EIF3M: variants seen among roughly 807,000 people sequenced by gnomAD.
EIF3M encodes B5 receptor.
A neutral mutation model predicts 49.7 loss-of-function variants in EIF3M; 25 were observed. That is an observed-to-expected ratio of 0.50 (90% CI 0.37 to 0.70). The LOEUF is 0.70. Among genes scored for constraint, EIF3M ranks in the 30% least tolerant of loss-of-function variants. The pLI, the probability that EIF3M is intolerant of heterozygous loss-of-function variation, is 0.00. For missense variants in EIF3M, 350 were observed against 440.0 expected (o/e 0.80, Z 1.83); for synonymous variants, 156 against 149.8 (o/e 1.04, Z -0.30).
intron 1 of EIF3M, among the ~76,000 whole-genome samples, chr11:32,584,458 A>G (rs1228349599): frequency 1.3e-5 from 2 of 150,774 alleles, no homozygotes; most frequent in Non-Finnish European, 3.0e-5. Context: ...ATACAAAAAA[A>G]TTACCCGGGC....
intron 6 of EIF3M, 171 bp from the exon 7 acceptor site, chr11:32,594,743 G>A (rs1855153519): frequency 8.6e-6 from 4 of 464,378 alleles, no homozygotes; most frequent in South Asian, 4.3e-5. Flanking sequence ...AGATGAACCT[G>A]ATAAATGTGT....
intron 1 of EIF3M, 200 bp downstream of exon 1, chr11:32,584,129 G>T (rs1295359558): frequency 1.6e-6 from 1 of 643,014 alleles, no homozygotes; most frequent in African/African-American, 1.9e-5. Flanking sequence ...TCCCAGCGCG[G>T]GGCCCGACGC....
chr11:32,592,455 A>G, intron 5 of EIF3M: 1 of 529,286 alleles, frequency 1.9e-6, no homozygotes, highest in Non-Finnish European at 3.6e-6. Flanking sequence ...TCACCAACAA[A>G]AATTTTCTTC....
chr11:32,601,881 T>G, intron 10 of EIF3M, 59 bp downstream of exon 10: 1 of 1,561,708 alleles, frequency 6.4e-7, no homozygotes, highest in Non-Finnish European at 8.8e-7. Flanking sequence ...TCCGATTATT[T>G]CACTTAAATG....
chr11:32,598,876 G>GA (rs1479967591), intron 8 of EIF3M, among the ~76,000 whole-genome samples: 1 of 151,994 alleles, frequency 6.6e-6, no homozygotes, highest in African/African-American at 2.4e-5. Flanking sequence ...TCATTGATAA[G>GA]AAAAAATTCG....
chr11:32,606,109 T>G lies in EIF3M; in HGVS notation c.*3710T>G, dbSNP rs1855348237. 1 of 152,190 alleles carries G rather than the reference T, an allele frequency of 6.6e-6. No individual in the cohort carries two copies. The highest frequency in any genetic ancestry group is 1.5e-5 in the Non-Finnish European group (1 of 68,028). 9.4% of individuals were successfully genotyped at this position (152,190 alleles called of 1,614,324 possible). A position where few individuals can be genotyped will look rare whatever the true frequency, so the allele number is the denominator to read the frequency against. On this transcript the variant is annotated 3_prime_UTR_variant, in exon 11 of 11. Coordinates refer to ENST00000531120, the MANE Select transcript of EIF3M (RefSeq NM_006360.6). ...TTGCAGTAGGCTAACAATCTAATGC[T>G]GAAAACAAGAATGAAAAACATACCA...
chr11:32,590,950 A>T (rs1347101513), intron 5 of EIF3M, among the ~76,000 whole-genome samples: 1 of 151,822 alleles, frequency 6.6e-6, no homozygotes. Flanking sequence ...TCCCGGGTTC[A>T]TGCCATTCTC....
intron 2 of EIF3M, among the ~76,000 whole-genome samples, 193 bp from the exon 3 acceptor site, chr11:32,588,401 A>G (rs1855036480): frequency 6.6e-6 from 1 of 151,608 alleles, no homozygotes; most frequent in African/African-American, 2.4e-5. Context: ...AAAAAAAAAA[A>G]AAAAAAAAAA....
At chr11:32,596,170 G>T in intron 8 of EIF3M, 123 bp downstream of exon 8, 1 of 682,024 alleles carries the variant, frequency 1.5e-6, no homozygotes, top group Non-Finnish European at 2.3e-6. Context: ...AAAAGGAGTC[G>T]TGTATGATAG....
chr11:32,603,275 A>G lies in EIF3M; in HGVS notation c.*876A>G, dbSNP rs192668112. 904 of 344,204 alleles carry G rather than the reference A, an allele frequency of 2.6e-3. 4 individuals are homozygous for G. Among genetic ancestry groups the G allele is most frequent in the Non-Finnish European group, 2.3e-3 (433 of 190,896 alleles). The allele number at this position is 344,204 out of a possible 1,614,324, so 21.3% of individuals were successfully genotyped here. A position where few individuals can be genotyped will look rare whatever the true frequency, so the allele number is the denominator to read the frequency against. Reference sequence around the variant, plus strand: ...CTTTTACTACTTCATGTTTCCTCCCATGCTTCAGAACACCATTGTTGAAGA... The same window carrying G: ...CTTTTACTACTTCATGTTTCCTCCCGTGCTTCAGAACACCATTGTTGAAGA... On this transcript the variant is annotated 3_prime_UTR_variant, in exon 11 of 11. Coordinates refer to ENST00000531120, the MANE Select transcript of EIF3M (RefSeq NM_006360.6).
In EIF3M at chr11:32,601,802, C is replaced by G. The variant is rs749823142; in HGVS notation, c.984C>G (p.Thr328=). The G allele has an allele frequency of 3.9e-5, 63 of 1,612,272 alleles. 2 individuals carry two copies. The South Asian group carries it at 6.8e-4, about 17-fold the overall frequency. ...TKMVYCKIDQ[T]QRKVVVSHST... is the part of the protein sequence containing the mutation. The stretch of plus-strand genomic sequence containing the variant: ...TGGTCTACTGCAAAATTGATCAGAC[C>G]CAGAGAAAAGTAGTTGTCAGGTAAG... Residue 328 remains threonine (T), a synonymous_variant, in exon 10 of 11, where the codon ACC becomes ACG. Coordinates refer to ENST00000531120, the MANE Select transcript of EIF3M (RefSeq NM_006360.6).
At chr11:32,596,102 C>A in intron 8 of EIF3M, 55 bp downstream of exon 8, 1 of 1,294,652 alleles carries the variant, frequency 7.7e-7, no homozygotes. Context: ...GATACACTAA[C>A]AGTTATGTAC....
chr11:32,583,858 T>C lies in EIF3M; in HGVS notation c.-30T>C. 1 of 1,609,858 alleles carries C rather than the reference T, an allele frequency of 6.2e-7. No homozygotes were observed. Among genetic ancestry groups the C allele is most frequent in the Non-Finnish European group, 8.5e-7 (1 of 1,177,328 alleles). On this transcript the variant is annotated 5_prime_UTR_variant, in exon 1 of 11. Coordinates refer to ENST00000531120, the MANE Select transcript of EIF3M (RefSeq NM_006360.6). Reference sequence around the variant, plus strand: ...TTTCCGGTCGGCGTGGTCTTGCGAGTGGAGTGTCCGCTGTGCCCGGGCCTG... The same window carrying C: ...TTTCCGGTCGGCGTGGTCTTGCGAGCGGAGTGTCCGCTGTGCCCGGGCCTG...
chr11:32,599,447 A>G (rs1470210370), intron 8 of EIF3M, among the ~76,000 whole-genome samples: 2 of 151,958 alleles, frequency 1.3e-5, no homozygotes, highest in Non-Finnish European at 2.9e-5. Context: ...ACAGATGATC[A>G]TGTCCTATGT....
intron 9 of EIF3M, 149 bp from the exon 10 acceptor site, chr11:32,601,613 A>T: frequency 1.6e-6 from 1 of 638,856 alleles, no homozygotes; most frequent in Non-Finnish European, 2.6e-6. Flanking sequence ...GTTGCCCCAT[A>T]CTGTTTTGCT....
At chr11:32,595,733 A>G (rs1855168912) in intron 7 of EIF3M, among the ~76,000 whole-genome samples, 1 of 152,234 alleles carries the variant, frequency 6.6e-6, no homozygotes, top group South Asian at 2.1e-4. Context: ...ATTAGCCATC[A>G]TCTTTCAGTG....
chr11:32,601,682 C>A, intron 9 of EIF3M, 80 bp from the exon 10 acceptor site: 5 of 1,320,336 alleles, frequency 3.8e-6, no homozygotes, highest in Non-Finnish European at 5.3e-6. Context: ...TTATGGCTTA[C>A]TTGGTCACAG....
rs1377611811 is a variant in EIF3M, at chr11:32,603,851, G to A, written c.*1452G>A. 1.3e-5 allele frequency: 2 copies of A among 152,242 alleles called. No homozygotes were observed. The highest frequency in any genetic ancestry group is 4.8e-5 in the African/African-American group (2 of 41,436). 9.4% of individuals were successfully genotyped at this position (152,242 alleles called of 1,614,324 possible). ...GCACTTTGGGAAACTGAGGCGAGTG[G>A]ATTGCATGAGCTCAGGAGTCGAAAA... On this transcript the variant is annotated 3_prime_UTR_variant, in exon 11 of 11. Coordinates refer to ENST00000531120, the MANE Select transcript of EIF3M (RefSeq NM_006360.6).
rs572770682 is a variant in EIF3M at position 32,603,220 on chromosome 11, T to C, written c.*821T>C. On this transcript the variant is annotated 3_prime_UTR_variant, in exon 11 of 11. Coordinates refer to ENST00000531120, the MANE Select transcript of EIF3M (RefSeq NM_006360.6). ...TAGTAGATCTTCAAAATCTCTAATA[T>C]ATAACTGAAGTAAAGTGTACAAAAA... 2.5e-5 allele frequency: 12 copies of C among 485,788 alleles called. No homozygotes were observed. In the East Asian group the frequency reaches 2.9e-4, roughly 12 times the overall value. The allele number at this position is 485,788 out of a possible 1,614,324, so 30.1% of individuals were successfully genotyped here.
Sources: gnomAD v4.1 joint callset for allele counts (sites outside exome capture counted in the v4.1 genomes callset) on GRCh38, gnomAD v4.1.1 for gene constraint, MANE v1.5 for transcripts, NCBI Gene and HGNC (gene_info 2026-07-23, HGNC 2026-07-21) for gene names.